Variants in SGCD observed in about 807,000 individuals in gnomAD.
SGCD encodes sarcoglycan delta.
A neutral mutation model predicts 36.6 loss-of-function variants in SGCD; 18 were observed. The observed-to-expected ratio is 0.49, with a 90% CI of 0.34 to 0.73. The LOEUF (loss-of-function observed/expected upper bound fraction) is 0.73, where lower values mean the gene tolerates loss of function less well. SGCD is among the 30% of genes least tolerant of loss of function. The probability of loss-of-function intolerance (pLI) is 0.01; values close to 1 mark genes in which losing one functional copy is unlikely to be tolerated. For synonymous variants in SGCD, 133 were observed against 130.6 expected, an observed-to-expected ratio of 1.02 and a Z score of -0.12; for missense variants, 387 against 346.7, an observed-to-expected ratio of 1.12 and a Z score of -0.92.
At chr5:156,248,799 G>A (rs536090023) in intron 3 of SGCD, among the ~76,000 whole-genome samples, 9 of 152,270 alleles carry the variant, frequency 5.9e-5, no homozygotes, top group African/African-American at 9.6e-5. Flanking sequence ...GATTAAACAC[G>A]GATGATAGCA....
At chr5:156,145,643 A>C (rs192850876) in intron 3 of SGCD, among the ~76,000 whole-genome samples, 211 of 152,344 alleles carry the variant, frequency 1.4e-3, no homozygotes, top group African/African-American at 4.9e-3. Context: ...AATTATTAGC[A>C]GTTCTAGTAA....
intron 7 of SGCD, among the ~76,000 whole-genome samples, chr5:156,670,389 T>C (rs765951518): frequency 1.1e-4 from 17 of 152,334 alleles, no homozygotes; most frequent in Non-Finnish European, 2.4e-4. Context: ...GCCACTGTCA[T>C]TTATTATGGA....
chr5:155,738,699 TGA>T, the SGCD span, among the ~76,000 whole-genome samples: 4 of 130,774 alleles, frequency 3.1e-5, no homozygotes, highest in East Asian at 2.1e-4. Flanking sequence ...AGAGTGTATA[TGA>T]GAGTGTGTGA....
chr5:156,353,278 G>A (rs1213036585), intron 3 of SGCD, among the ~76,000 whole-genome samples: 1 of 152,218 alleles, frequency 6.6e-6, no homozygotes, highest in Non-Finnish European at 1.5e-5. Flanking sequence ...AAATTAAAAT[G>A]TATAAAGATG....
intron 3 of SGCD, among the ~76,000 whole-genome samples, chr5:156,199,625 ACTT>A (rs779593403): frequency 2.4e-4 from 36 of 152,190 alleles, no homozygotes; most frequent in Non-Finnish European, 4.6e-4. Flanking sequence ...TTGGCAAACT[ACTT>A]CTTCTTGCCT....
At chr5:156,441,266 G>A (rs551874286) in intron 3 of SGCD, among the ~76,000 whole-genome samples, 10 of 152,226 alleles carry the variant, frequency 6.6e-5, no homozygotes, top group African/African-American at 1.4e-4. Flanking sequence ...TAGACACAGC[G>A]TTGGAGGCAA....
At chr5:155,955,792 T>C (rs958443823) in intron 1 of SGCD, among the ~76,000 whole-genome samples, 1 of 152,092 alleles carries the variant, frequency 6.6e-6, no homozygotes, top group Admixed American at 6.5e-5. Context: ...AAAACAAAGA[T>C]ACGTCAACTA....
At chr5:155,757,289 G>A in the SGCD span, among the ~76,000 whole-genome samples, 42 of 152,220 alleles carry the variant, frequency 2.8e-4, no homozygotes, top group African/African-American at 1.0e-3. Context: ...GTACTATATG[G>A]CAGGTACTTC....
Position 156,202,422 on chromosome 5 carries a change from G to A in SGCD, c.-44+78403G>A, listed in dbSNP as rs113882001. 1.0e-3 allele frequency among the ~76,000 whole-genome samples: 155 copies of A among 152,184 alleles called. 1 individual carries two copies. The highest frequency in any genetic ancestry group is 3.5e-3 in the African/African-American group (144 of 41,542). On this transcript the variant is annotated intron_variant, in intron 3 of 9. Transcript: ENST00000517913. Reference sequence around the variant, plus strand: ...ATTAAATGGGTCTGAGCTTCACTACGGCCTGTGAGATTATTGAAAGAGGTG... The same window carrying A: ...ATTAAATGGGTCTGAGCTTCACTACAGCCTGTGAGATTATTGAAAGAGGTG...
intron 3 of SGCD, among the ~76,000 whole-genome samples, chr5:156,170,827 A>G (rs889749583): frequency 1.9e-4 from 29 of 152,128 alleles, no homozygotes; most frequent in African/African-American, 4.8e-5. Context: ...ATAAATCCCC[A>G]TGCAGCTTTT....
chr5:156,208,541 T>TG (rs1208004281), intron 3 of SGCD, among the ~76,000 whole-genome samples: 4 of 152,178 alleles, frequency 2.6e-5, no homozygotes, highest in Non-Finnish European at 5.9e-5. Context: ...ACCAAAGGAT[T>TG]GGGGGTTATC....
intron 3 of SGCD, among the ~76,000 whole-genome samples, chr5:156,126,176 C>T (rs545631750): frequency 5.3e-5 from 8 of 152,162 alleles, no homozygotes; most frequent in African/African-American, 1.7e-4. Context: ...CCACCATGCC[C>T]GGCCTTTCCA....
At chr5:156,339,733 T>C (rs913696370) in intron 2 of SGCD, among the ~76,000 whole-genome samples, 2 of 152,072 alleles carry the variant, frequency 1.3e-5, no homozygotes, top group Non-Finnish European at 2.9e-5. Flanking sequence ...CTAAAAACAA[T>C]TGGGATAAGA....
At chr5:156,434,323 A>G (rs767960729) in intron 3 of SGCD, among the ~76,000 whole-genome samples, 3 of 152,242 alleles carry the variant, frequency 2.0e-5, no homozygotes, top group Non-Finnish European at 2.9e-5. Flanking sequence ...AACAGAGTTT[A>G]GATGGGAGGG....
chr5:155,937,081 G>A (rs1757222412), intron 1 of SGCD, among the ~76,000 whole-genome samples: 1 of 152,168 alleles, frequency 6.6e-6, no homozygotes, highest in Admixed American at 6.5e-5. Context: ...TCCCAGGACC[G>A]CAAGTCTGCA....
intron 4 of SGCD, among the ~76,000 whole-genome samples, chr5:156,551,194 C>A (rs1758777221): frequency 6.6e-6 from 1 of 152,198 alleles, no homozygotes; most frequent in African/African-American, 2.4e-5. Flanking sequence ...ATCCACCTGT[C>A]TCATCCTTCA....
intron 3 of SGCD, among the ~76,000 whole-genome samples, chr5:156,498,737 A>G (rs1756311457): frequency 6.6e-6 from 1 of 152,220 alleles, no homozygotes. Context: ...ACATTTATGT[A>G]TAAGTGTTTG....
intron 3 of SGCD, among the ~76,000 whole-genome samples, chr5:156,482,205 T>G (rs565216043): frequency 6.6e-6 from 1 of 152,290 alleles, no homozygotes; most frequent in East Asian, 1.9e-4. Flanking sequence ...GCAAGGTCAT[T>G]GCAGCCTGAA....
chr5:155,941,224 C>A (rs998976019), intron 1 of SGCD, among the ~76,000 whole-genome samples: 1 of 152,208 alleles, frequency 6.6e-6, no homozygotes, highest in Non-Finnish European at 1.5e-5. Context: ...TTCATAAGGG[C>A]ACAGCCCTCA....
Sources: allele counts gnomAD v4.1 joint callset (sites outside exome capture counted in the v4.1 genomes callset), GRCh38; gene constraint gnomAD v4.1.1; transcripts MANE v1.5; gene names NCBI Gene and HGNC (gene_info 2026-07-23, HGNC 2026-07-21).